SCLT1: variants seen among roughly 807,000 people sequenced by gnomAD.
The protein encoded by SCLT1 is sodium channel and clathrin linker 1.
SCLT1 carries 78 observed loss-of-function variants against 112.8 expected under a neutral mutation model. The ratio of observed to expected loss-of-function variants is 0.69; its 90% CI spans 0.58 to 0.83. The LOEUF (loss-of-function observed/expected upper bound fraction) is 0.83, where lower values mean the gene tolerates loss of function less well. Ranked by LOEUF, SCLT1 falls within the 40% of genes least tolerant of loss-of-function variation. SCLT1 has a pLI of 0.00. For missense variants in SCLT1, 747 were observed against 770.4 expected (o/e 0.97, Z 0.36); for synonymous variants, 257 against 254.7 (o/e 1.01, Z -0.09).
At chr4:128,939,126 C>G (rs555079004) in intron 17 of SCLT1, among the ~76,000 whole-genome samples, 1 of 152,248 alleles carries the variant, frequency 6.6e-6, no homozygotes, top group East Asian at 1.9e-4. Flanking sequence ...GCTTTAAGAC[C>G]CTTTATGATA....
chr4:128,992,974 C>T (rs147184030), intron 8 of SCLT1, among the ~76,000 whole-genome samples: 10 of 152,058 alleles, frequency 6.6e-5, no homozygotes, highest in Non-Finnish European at 1.3e-4. Context: ...TGGTTGCTCC[C>T]GATTGATCTT....
At chr4:128,970,174 A>G (rs1346935166) in intron 10 of SCLT1, among the ~76,000 whole-genome samples, 1 of 152,196 alleles carries the variant, frequency 6.6e-6, no homozygotes, top group Non-Finnish European at 1.5e-5. Context: ...CTATTGAATT[A>G]GGCTATAGAG....
intron 13 of SCLT1, among the ~76,000 whole-genome samples, chr4:128,956,231 A>G (rs1739202720): frequency 8.5e-5 from 13 of 152,238 alleles, no homozygotes; most frequent in Admixed American, 8.5e-4. Flanking sequence ...ATTTTAGGAT[A>G]AGAAAATACA....
intron 16 of SCLT1, among the ~76,000 whole-genome samples, chr4:128,945,279 A>G (rs926145452): frequency 2.0e-5 from 3 of 152,284 alleles, no homozygotes; most frequent in East Asian, 3.9e-4. Flanking sequence ...TATTGGGAAA[A>G]GCCTTCATGT....
chr4:128,877,788 A>G (rs1329365934), intron 3 of SCLT1, among the ~76,000 whole-genome samples: 1 of 152,226 alleles, frequency 6.6e-6, no homozygotes, highest in Non-Finnish European at 1.5e-5. Flanking sequence ...AAACTTGGTT[A>G]AAACATGTTA....
chr4:128,996,613 T>C (rs988148153), intron 8 of SCLT1, among the ~76,000 whole-genome samples: 1 of 152,166 alleles, frequency 6.6e-6, no homozygotes, highest in African/African-American at 2.4e-5. Context: ...TTATATACAT[T>C]AAGAACAACT....
chr4:129,045,312 T>C (rs1748084118), intron 2 of SCLT1, among the ~76,000 whole-genome samples: 2 of 152,018 alleles, frequency 1.3e-5, no homozygotes, highest in Non-Finnish European at 2.9e-5. Flanking sequence ...AACCTATAAA[T>C]GGAAAGACTG....
chr4:128,979,199 C>A (rs545019737), intron 9 of SCLT1, among the ~76,000 whole-genome samples: 1 of 152,150 alleles, frequency 6.6e-6, no homozygotes, highest in East Asian at 1.9e-4. Flanking sequence ...GTTAAACAAC[C>A]TACCCAAGTC....
chr4:128,936,822 T>C lies in SCLT1; in HGVS notation c.1662A>G (p.Ile554Met). The change falls in exon 18 of 21, where the codon ATA becomes ATG. Residue 554 changes from isoleucine to methionine, a missense_variant. This residue lies in a region of SCLT1 where 723 missense variants were observed against 721.3 expected (regional missense o/e 1.00). Transcript: ENST00000281142. Reference sequence around the variant, plus strand: ...ATTGAACTTCAAATCCACGTTCCTTTATTGAAAATTCATGTTCCATTGTAC... The same window carrying C: ...ATTGAACTTCAAATCCACGTTCCTTCATTGAAAATTCATGTTCCATTGTAC... ...KISTMEHEFS[I>M]KERGFEVQLR... 6.3e-7 allele frequency: 1 copy of C among 1,586,610 alleles called. No individual in the cohort carries two copies. Among genetic ancestry groups the C allele is most frequent in the Non-Finnish European group, 8.6e-7 (1 of 1,162,702 alleles).
intron 5 of SCLT1, among the ~76,000 whole-genome samples, chr4:129,030,100 TAACA>T (rs1035993204): frequency 1.4e-4 from 21 of 152,106 alleles, no homozygotes; most frequent in Admixed American, 1.3e-3. Context: ...ATGGAGTTCA[TAACA>T]AACAGTCTCT....
At chr4:128,954,863 C>G (rs1739088783) in intron 13 of SCLT1, among the ~76,000 whole-genome samples, 1 of 152,058 alleles carries the variant, frequency 6.6e-6, no homozygotes, top group Admixed American at 6.5e-5. Context: ...ATAAATGTTC[C>G]TATAACATAA....
At chr4:129,027,473 A>G (rs962918102) in intron 5 of SCLT1, among the ~76,000 whole-genome samples, 3 of 152,232 alleles carry the variant, frequency 2.0e-5, no homozygotes, top group African/African-American at 4.8e-5. Flanking sequence ...ACAAAATTCA[A>G]CAACGCTTCA....
intron 9 of SCLT1, among the ~76,000 whole-genome samples, chr4:128,977,259 G>T (rs150689150): frequency 6.6e-6 from 1 of 152,276 alleles, no homozygotes; most frequent in East Asian, 1.9e-4. Context: ...GACATGTTGA[G>T]CCTTAAGTGC....
chr4:128,957,824 T>A (rs1000915787), intron 12 of SCLT1, among the ~76,000 whole-genome samples: 4 of 152,186 alleles, frequency 2.6e-5, no homozygotes, highest in Non-Finnish European at 5.9e-5. Context: ...TTGAAATATT[T>A]ACTTTCCTCT....
intron 10 of SCLT1, among the ~76,000 whole-genome samples, chr4:128,967,042 A>G (rs1378844282): frequency 6.6e-6 from 1 of 152,016 alleles, no homozygotes; most frequent in Non-Finnish European, 1.5e-5. Context: ...GCCAGTGTAT[A>G]TCGTTCCCTT....
chr4:128,905,376 A>C (rs1355467876), intron 18 of SCLT1, among the ~76,000 whole-genome samples: 1 of 152,190 alleles, frequency 6.6e-6, no homozygotes, highest in Non-Finnish European at 1.5e-5. Context: ...ATCTATTGCC[A>C]AAACTACTGT....
intron 2 of SCLT1, among the ~76,000 whole-genome samples, chr4:129,045,253 T>C (rs1295110096): frequency 6.6e-6 from 1 of 152,120 alleles, no homozygotes; most frequent in South Asian, 2.1e-4. Flanking sequence ...GCGCCTGCCA[T>C]ACTTTTTTGC....
chr4:129,057,859 C>A (rs1423689739), intron 2 of SCLT1, among the ~76,000 whole-genome samples: 1 of 151,712 alleles, frequency 6.6e-6, no homozygotes, highest in East Asian at 1.9e-4. Flanking sequence ...TCAAGTGATT[C>A]TTGTGCCTCA....
intron 9 of SCLT1, among the ~76,000 whole-genome samples, chr4:128,981,177 A>G (rs1179250204): frequency 6.6e-6 from 1 of 152,228 alleles, no homozygotes; most frequent in Non-Finnish European, 1.5e-5. Flanking sequence ...ATGCTGTGAC[A>G]TGGTAAGATA....
Sources: allele counts gnomAD v4.1 joint callset (sites outside exome capture counted in the v4.1 genomes callset), GRCh38; gene constraint gnomAD v4.1.1; regional missense constraint gnomAD v4.1.1; transcripts MANE v1.5; gene names NCBI Gene and HGNC (gene_info 2026-07-23, HGNC 2026-07-21).